The following TECTA variants were observed in gnomAD, a reference collection of about 807,000 sequenced individuals.
TECTA encodes the protein tectorin alpha.
TECTA carries 128 observed loss-of-function variants against 216.8 expected under a neutral mutation model. That is an observed-to-expected ratio of 0.59 (90% CI 0.51 to 0.68). TECTA has a LOEUF of 0.68. TECTA is among the 30% of genes least tolerant of loss of function. TECTA has a pLI of 0.00. For missense variants in TECTA, 2,551 were observed against 2,786.2 expected (o/e 0.92, Z 1.90); for synonymous variants, 1,089 against 1,117.1 (o/e 0.97, Z 0.50).
chr11:121,147,510 C>T (rs888226113), intron 12 of TECTA, among the ~76,000 whole-genome samples: 4 of 151,822 alleles, frequency 2.6e-5, no homozygotes, highest in African/African-American at 9.7e-5. Flanking sequence ...GGATGACGGT[C>T]CTGACAAACC....
At chr11:121,186,420 C>A (rs989035536) in intron 20 of TECTA, among the ~76,000 whole-genome samples, 1 of 152,200 alleles carries the variant, frequency 6.6e-6, no homozygotes, top group African/African-American at 2.4e-5. Context: ...TCTAAGAAAG[C>A]CAGCCAGATA....
intron 20 of TECTA, 27 bp from the exon 21 acceptor site, chr11:121,187,805 A>G: frequency 6.2e-7 from 1 of 1,614,116 alleles, no homozygotes; most frequent in Non-Finnish European, 8.5e-7. Flanking sequence ...CATGTGAAGC[A>G]AAGATTCCAT....
chr11:121,130,584 C>A (rs544692341), intron 10 of TECTA, among the ~76,000 whole-genome samples: 8 of 152,258 alleles, frequency 5.3e-5, no homozygotes, highest in Non-Finnish European at 1.0e-4. Flanking sequence ...AGGAAGTGAT[C>A]GGCCAGGGCA....
chr11:121,166,613 A>C lies in TECTA; in HGVS notation c.5419A>C (p.Lys1807Gln), dbSNP rs1230055202. ...CATTATCGATGCAGAGGTGACCTGC[A>C]AAGCAGCCCAAATGGAAGTGTCCAT... Reference protein sequence around the residue: ...HDIIDAEVTCKAAQMEVSISK... With the variant: ...HDIIDAEVTCQAAQMEVSISK... The change falls in exon 18 of 24, where the codon AAA (lysine) becomes CAA (glutamine). Residue 1807 changes from lysine to glutamine, a missense_variant. This residue lies in a region of TECTA where 2,375 missense variants were observed against 2,563.9 expected (regional missense o/e 0.93). Coordinates refer to ENST00000392793, the MANE Select transcript of TECTA (RefSeq NM_005422.4). 5 of 1,614,090 alleles carry C rather than the reference A, an allele frequency of 3.1e-6. No homozygotes were observed. The African/African-American group carries it at 6.7e-5, about 22-fold the overall frequency.
At chr11:121,164,512 T>C (rs548507935) in intron 16 of TECTA, among the ~76,000 whole-genome samples, 1 of 152,280 alleles carries the variant, frequency 6.6e-6, no homozygotes, top group African/African-American at 2.4e-5. Flanking sequence ...GACCGAGGCG[T>C]TGACTATCTT....
intron 13 of TECTA, among the ~76,000 whole-genome samples, chr11:121,155,169 G>C (rs1404160470): frequency 2.6e-5 from 4 of 152,244 alleles, no homozygotes; most frequent in African/African-American, 9.6e-5. Context: ...AGCATGTAGA[G>C]TGATCACCCA....
At chr11:121,185,504 AGT>A in intron 20 of TECTA, among the ~76,000 whole-genome samples, 2 of 100,468 alleles carry the variant, frequency 2.0e-5, no homozygotes, top group African/African-American at 8.3e-5. Flanking sequence ...TTAATGAATG[AGT>A]AGGGAAAGCA....
At chr11:121,159,482 A>G (rs1421964065) in intron 14 of TECTA, among the ~76,000 whole-genome samples, 2 of 152,176 alleles carry the variant, frequency 1.3e-5, no homozygotes, top group Non-Finnish European at 2.9e-5. Context: ...GCCTGGGGAG[A>G]ATAGTTTTAT....
chr11:121,158,820 C>G (rs887531249), intron 14 of TECTA, among the ~76,000 whole-genome samples: 2 of 152,188 alleles, frequency 1.3e-5, no homozygotes, highest in Non-Finnish European at 2.9e-5. Context: ...TCTTGTTTAT[C>G]TTACACCTGT....
intron 12 of TECTA, 149 bp from the exon 13 acceptor site, chr11:121,152,732 A>G (rs1946902251): frequency 2.7e-6 from 2 of 733,282 alleles, no homozygotes; most frequent in Non-Finnish European, 2.2e-6. Context: ...GTGAGCAAAG[A>G]GGGCAGTAAT....
rs985701361 is a variant in TECTA, at chr11:121,185,572, T to C, written c.6000-2260T>C. 3.0e-3 allele frequency among the ~76,000 whole-genome samples: 347 copies of C among 115,006 alleles called. 2 individuals carry two copies. Among genetic ancestry groups the C allele is most frequent in the South Asian group, 7.4e-3 (25 of 3,370 alleles). The allele number at this position is 115,006 out of a possible 152,430, so 75.4% of individuals were successfully genotyped here. Reference sequence around the variant, plus strand: ...AAGCAGATGTTGAATGCTTAATGAATGAGTAGGGAAAGCAGATGTTGAATG... The same window carrying C: ...AAGCAGATGTTGAATGCTTAATGAACGAGTAGGGAAAGCAGATGTTGAATG... On this transcript the variant is annotated intron_variant, in intron 20 of 23. Coordinates refer to ENST00000392793, the MANE Select transcript of TECTA (RefSeq NM_005422.4).
chr11:121,122,301 T>C (rs1012706415), intron 7 of TECTA, among the ~76,000 whole-genome samples: 10 of 152,194 alleles, frequency 6.6e-5, no homozygotes, highest in African/African-American at 2.4e-4. Context: ...AGCTCATTTC[T>C]TCTTTCACCA....
chr11:121,184,331 G>A (rs976375898), intron 20 of TECTA, among the ~76,000 whole-genome samples: 3 of 152,162 alleles, frequency 2.0e-5, no homozygotes, highest in African/African-American at 7.2e-5. Context: ...TTAGACACTG[G>A]CAATCCTAGA....
At chr11:121,109,000 A>G (rs1946418388) in intron 3 of TECTA, among the ~76,000 whole-genome samples, 1 of 152,246 alleles carries the variant, frequency 6.6e-6, no homozygotes, top group Non-Finnish European at 1.5e-5. Flanking sequence ...GAAGCTGGTT[A>G]CAAATCTAAT....
chr11:121,165,460 C>G, intron 17 of TECTA, 77 bp downstream of exon 17: 1 of 1,229,048 alleles, frequency 8.1e-7, no homozygotes, highest in Non-Finnish European at 1.2e-6. Context: ...CTTGATGCAT[C>G]CCACTTTGTG....
intron 20 of TECTA, among the ~76,000 whole-genome samples, chr11:121,173,523 G>A (rs1947134754): frequency 9.0e-6 from 1 of 111,422 alleles, no homozygotes; most frequent in African/African-American, 3.9e-5. Context: ...TATTTCTGAG[G>A]GCTCTGTTCT....
chr11:121,182,254 G>A (rs1378027298), intron 20 of TECTA, among the ~76,000 whole-genome samples: 3 of 152,006 alleles, frequency 2.0e-5, no homozygotes, highest in Non-Finnish European at 4.4e-5. Flanking sequence ...CCTAAGTGGT[G>A]TGTGTGGCAT....
intron 19 of TECTA, 168 bp from the exon 20 acceptor site, chr11:121,168,509 A>G: frequency 1.0e-5 from 10 of 1,000,948 alleles, no homozygotes; most frequent in Non-Finnish European, 1.5e-5. Flanking sequence ...ATTTCATTTA[A>G]ATGTAAATTG....
Position 121,125,839 on chromosome 11 carries a change from C to T in TECTA, c.1741C>T (p.Pro581Ser). ...TCTTGTGTGCCAAGCCCTTGGCATTCCAATTGGAGACTGGCGAACCCAGAC... is the reference window on the plus strand; with the variant it reads ...TCTTGTGTGCCAAGCCCTTGGCATTTCAATTGGAGACTGGCGAACCCAGAC... ...YALVCQALGI[P>S]IGDWRTQTGC... The change falls in exon 8 of 24, where the codon CCA (proline) becomes TCA (serine). Residue 581 changes from proline (P) to serine (S), a missense_variant. By Grantham distance (74) the Pro-to-Ser change is moderately conservative (BLOSUM62 -1). Around this residue, in one of 3 missense-constraint regions of TECTA, gnomAD observed 2,375 missense variants for 2,563.9 expected, o/e 0.93. Transcript: ENST00000392793. 4 of 1,612,422 alleles carry T rather than the reference C, an allele frequency of 2.5e-6. No individual in the cohort carries two copies. Among genetic ancestry groups the T allele is most frequent in the Non-Finnish European group, 3.4e-6 (4 of 1,180,028 alleles).
Sources: allele counts gnomAD v4.1 joint callset (sites outside exome capture counted in the v4.1 genomes callset), GRCh38; gene constraint gnomAD v4.1.1; regional missense constraint gnomAD v4.1.1; transcripts MANE v1.5; gene names NCBI Gene and HGNC (gene_info 2026-07-23, HGNC 2026-07-21).